Variants in KCNN3 observed in about 807,000 individuals in gnomAD.
KCNN3 encodes the protein potassium calcium-activated channel subfamily N member 3, also known as small conductance calcium-activated potassium channel protein 3.
A neutral mutation model predicts 62.9 loss-of-function variants in KCNN3; 16 were observed. That is an observed-to-expected ratio of 0.25 (90% CI 0.17 to 0.39). KCNN3 has a LOEUF of 0.39. Among genes scored for constraint, KCNN3 ranks in the 10% least tolerant of loss-of-function variants. The probability of loss-of-function intolerance (pLI) is 1.00; values close to 1 mark genes in which losing one functional copy is unlikely to be tolerated. For missense variants in KCNN3, 599 were observed against 949.4 expected (o/e 0.63, Z 4.85); for synonymous variants, 370 against 389.2 (o/e 0.95, Z 0.58).
intron 5 of KCNN3, among the ~76,000 whole-genome samples, chr1:154,718,329 CT>C (rs1335177054): frequency 6.6e-6 from 1 of 152,206 alleles, no homozygotes; most frequent in African/African-American, 2.4e-5. Flanking sequence ...CTATGATCTA[CT>C]TTAGGAAAGG....
At chr1:154,857,848 C>T (rs1445057172) in intron 1 of KCNN3, among the ~76,000 whole-genome samples, 1 of 152,218 alleles carries the variant, frequency 6.6e-6, no homozygotes, top group Non-Finnish European at 1.5e-5. Context: ...TCTCCACCGC[C>T]TGTCACCTCT....
intron 1 of KCNN3, among the ~76,000 whole-genome samples, chr1:154,837,482 C>T (rs902258206): frequency 2.6e-5 from 4 of 152,116 alleles, no homozygotes; most frequent in Non-Finnish European, 4.4e-5. Context: ...CCTAGGAAAA[C>T]AGCCAACCCA....
chr1:154,821,889 G>A (rs1051030184), intron 2 of KCNN3, among the ~76,000 whole-genome samples, 200 bp downstream of exon 2: 5 of 152,180 alleles, frequency 3.3e-5, no homozygotes, highest in African/African-American at 1.2e-4. Flanking sequence ...ACAGTTATTC[G>A]AAAGCCACAG....
chr1:154,740,805 C>T (rs1700809154), intron 3 of KCNN3, among the ~76,000 whole-genome samples: 1 of 152,162 alleles, frequency 6.6e-6, no homozygotes, highest in Admixed American at 6.5e-5. Context: ...TCATTCATGA[C>T]TTTTGTCCAC....
chr1:154,809,619 G>A lies in KCNN3; in HGVS notation c.1029+12470C>T, dbSNP rs1010675706. On this transcript the variant is annotated intron_variant, in intron 2 of 7. Coordinates refer to ENST00000271915, the MANE Select transcript of KCNN3 (RefSeq NM_002249.6). This position sits in a 1 kb window ranked among gnomAD's most constrained non-coding sequence, Gnocchi z 4.3. Reference sequence around the variant, plus strand: ...AGGCTCATCACATGTGGGAGGGCAGGAAGCTGGGAGGCCCCCAAATACATG... The same window carrying A: ...AGGCTCATCACATGTGGGAGGGCAGAAAGCTGGGAGGCCCCCAAATACATG... Among the ~76,000 whole-genome samples, 17 of 152,194 alleles carry A rather than the reference G, an allele frequency of 1.1e-4. No homozygotes were observed. The highest frequency in any genetic ancestry group is 1.3e-4 in the Admixed American group (2 of 15,280).
Position 154,870,029 on chromosome 1 carries a change from A to G in KCNN3, c.-65T>C. 6.4e-7 allele frequency: 1 copy of G among 1,554,720 alleles called. No homozygotes were observed. On this transcript the variant is annotated 5_prime_UTR_variant, in exon 1 of 8. Coordinates refer to ENST00000271915, the MANE Select transcript of KCNN3 (RefSeq NM_002249.6). ...CCCCAAAGCCACCCTCGCTCCAAAG[A>G]TGTCCTCAAAGAAAGCCAGGCATCC...
At chr1:154,833,251 C>T (rs1651444391) in intron 1 of KCNN3, among the ~76,000 whole-genome samples, 1 of 152,202 alleles carries the variant, frequency 6.6e-6, no homozygotes. Context: ...GCAAAATCAT[C>T]CCCCAACCCC....
At position 154,869,924 on chromosome 1, in the gene KCNN3, T is replaced by G; in HGVS notation, c.41A>C (p.Asp14Ala). ...SGHFHDSGVG[D>A]LDEDPKCPCP... ...GGGGCACTTGGGGTCTTCATCCAAG[T>G]CCCCCACCCCCGAGTCATGGAAGTG... Residue 14 changes from aspartate to alanine, a missense_variant, in exon 1 of 8, where the codon GAC becomes GCC. Asp to Ala is a moderately radical substitution (Grantham distance 126, BLOSUM62 -2). Transcript: ENST00000271915. The surrounding 1 kb of genome is among the most constrained non-coding windows in gnomAD (Gnocchi z 6.1). 6.2e-7 allele frequency: 1 copy of G among 1,610,204 alleles called. No homozygotes were observed. The highest frequency in any genetic ancestry group is 8.5e-7 in the Non-Finnish European group (1 of 1,178,506).
At chr1:154,797,532 A>G (rs966402833) in intron 2 of KCNN3, among the ~76,000 whole-genome samples, 3 of 152,154 alleles carry the variant, frequency 2.0e-5, no homozygotes, top group Non-Finnish European at 4.4e-5. Context: ...TCACTGCCAC[A>G]TTCCGTTCTT....
chr1:154,723,817 C>T (rs2101779457), intron 5 of KCNN3, among the ~76,000 whole-genome samples: 2 of 152,322 alleles, frequency 1.3e-5, no homozygotes, highest in Middle Eastern at 6.8e-3. Context: ...TAAATTGCTT[C>T]AGGAAAATAG....
intron 1 of KCNN3, 77 bp downstream of exon 1, chr1:154,868,952 CAAT>C: frequency 2.3e-6 from 1 of 438,900 alleles, no homozygotes; most frequent in Non-Finnish European, 3.0e-6. Flanking sequence ...CTCTCTCTCA[CAAT>C]CCCCCTCTCT....
rs1699902741 is a variant in KCNN3 at position 154,703,329 on chromosome 1, T to TA, written c.*4646_*4647insT. On this transcript the variant is annotated 3_prime_UTR_variant, in exon 8 of 8. Coordinates refer to ENST00000271915, the MANE Select transcript of KCNN3 (RefSeq NM_002249.6). ...GCGGCAGTAGAGAAGGAAAGGATAC[T>TA]GTCTGGGGCGTCATCAAGCCCACCG... 1 of 152,154 alleles carries TA rather than the reference T, an allele frequency of 6.6e-6. No individual in the cohort carries two copies. Among genetic ancestry groups the TA allele is most frequent in the Non-Finnish European group, 1.5e-5 (1 of 68,040 alleles). 9.4% of individuals were successfully genotyped at this position (152,154 alleles called of 1,614,324 possible). A position where few individuals can be genotyped will look rare whatever the true frequency, so the allele number is the denominator to read the frequency against.
rs1648626982 is a variant in KCNN3, at chr1:154,772,887, C to G, written c.1030-494G>C. On this transcript the variant is annotated intron_variant, in intron 2 of 7. Transcript: ENST00000271915. This position sits in a 1 kb window ranked among gnomAD's most constrained non-coding sequence, Gnocchi z 5.6. The stretch of plus-strand genomic sequence containing the variant: ...GGTTGGAACTTTCAGCCCCACCCCA[C>G]CACCTCCTGAGAAGGAAGAGGGGCC... Among the ~76,000 whole-genome samples the G allele has an allele frequency of 6.6e-6, 1 of 152,068 alleles. No individual in the cohort carries two copies. Among genetic ancestry groups the G allele is most frequent in the Non-Finnish European group, 1.5e-5 (1 of 68,022 alleles).
chr1:154,710,826 T>TA (rs952540649), intron 7 of KCNN3, among the ~76,000 whole-genome samples: 3 of 152,146 alleles, frequency 2.0e-5, no homozygotes, highest in African/African-American at 7.2e-5. Flanking sequence ...TGGCAATCAT[T>TA]AAAAAGTCAG....
intron 1 of KCNN3, among the ~76,000 whole-genome samples, chr1:154,844,682 G>A (rs1329960868): frequency 5.3e-5 from 8 of 152,000 alleles, no homozygotes; most frequent in Admixed American, 5.2e-4. Flanking sequence ...GGGTTGGAAG[G>A]GCCACATTTT....
chr1:154,816,113 T>C (rs1571304547), intron 2 of KCNN3, among the ~76,000 whole-genome samples: 2 of 152,242 alleles, frequency 1.3e-5, no homozygotes, highest in Non-Finnish European at 2.9e-5. Context: ...TTTATATACC[T>C]AATAAATTAA....
intron 2 of KCNN3, among the ~76,000 whole-genome samples, chr1:154,784,510 C>G (rs1649192768): frequency 6.6e-6 from 1 of 152,228 alleles, no homozygotes; most frequent in Non-Finnish European, 1.5e-5. Flanking sequence ...CAGCGTCCCA[C>G]CCTTCCACAG....
At chr1:154,749,844 G>T (rs542036528) in intron 3 of KCNN3, among the ~76,000 whole-genome samples, 3 of 152,276 alleles carry the variant, frequency 2.0e-5, no homozygotes, top group South Asian at 4.1e-4. Flanking sequence ...CCCCACGGCC[G>T]TGGGGCTTGG....
In KCNN3 at chr1:154,809,899, C is replaced by T. The variant is rs1650328142; in HGVS notation, c.1029+12190G>A. ...ATGAAAGCTAAAAGTCACTGGCTGT[C>T]TTTGGCTGCAGTAACAAAGTGAGAA... On this transcript the variant is annotated intron_variant, in intron 2 of 7. Coordinates refer to ENST00000271915, the MANE Select transcript of KCNN3 (RefSeq NM_002249.6). This position sits in a 1 kb window ranked among gnomAD's most constrained non-coding sequence, Gnocchi z 4.3. Among the ~76,000 whole-genome samples, 1 of 152,198 alleles carries T rather than the reference C, an allele frequency of 6.6e-6. No individual in the cohort carries two copies. The highest frequency in any genetic ancestry group is 6.5e-5 in the Admixed American group (1 of 15,272).
Sources: allele counts gnomAD v4.1 joint callset (sites outside exome capture counted in the v4.1 genomes callset), GRCh38; gene constraint gnomAD v4.1.1; non-coding constraint Gnocchi (gnomAD v3.1); transcripts MANE v1.5; gene names NCBI Gene and HGNC (gene_info 2026-07-23, HGNC 2026-07-21).